CDH7: variants seen among roughly 807,000 people sequenced by gnomAD.
The protein encoded by CDH7 is cadherin 7, also known as cadherin-7.
A neutral mutation model predicts 71.8 loss-of-function variants in CDH7; 25 were observed. The ratio of observed to expected loss-of-function variants is 0.35; its 90% CI spans 0.25 to 0.49. The LOEUF (loss-of-function observed/expected upper bound fraction) is 0.49. Ranked by LOEUF, CDH7 falls within the 20% of genes least tolerant of loss-of-function variation. The pLI is 0.99. For missense variants in CDH7, 862 were observed against 974.6 expected (o/e 0.88, Z 1.54); for synonymous variants, 381 against 363.8 (o/e 1.05, Z -0.54).
Position 65,860,554 on chromosome 18 carries a change from C to T in CDH7, c.1612+729C>T, listed in dbSNP as rs188655624. ...ATTGTCTAATTTTGAATCATATGTT[C>T]GAATGAGTTTTTATTCAAGATATTT... On this transcript the variant is annotated intron_variant, in intron 10 of 11. Coordinates refer to ENST00000397968, the MANE Select transcript of CDH7 (RefSeq NM_004361.5). 6.0e-4 allele frequency among the ~76,000 whole-genome samples: 91 copies of T among 152,114 alleles called. 4 individuals carry two copies. The highest frequency in any genetic ancestry group is 9.2e-4 in the Admixed American group (14 of 15,268).
chr18:65,771,680 G>GAAA (rs374519867), intron 2 of CDH7, among the ~76,000 whole-genome samples: 10 of 136,472 alleles, frequency 7.3e-5, no homozygotes, highest in African/African-American at 2.7e-4. Context: ...TGCCTCAAAA[G>GAAA]AAAAAAAAAA....
intron 2 of CDH7, among the ~76,000 whole-genome samples, chr18:65,798,789 GT>G (rs1911008319): frequency 6.6e-6 from 1 of 152,144 alleles, no homozygotes; most frequent in African/African-American, 2.4e-5. Context: ...TTTGGTCAAG[GT>G]GGCTCTCTTC....
intron 7 of CDH7, among the ~76,000 whole-genome samples, chr18:65,853,549 A>G (rs1913222785): frequency 6.6e-6 from 1 of 151,550 alleles, no homozygotes; most frequent in Admixed American, 6.6e-5. Context: ...GTTTTTTTGC[A>G]TGTCCAGAGG....
intron 2 of CDH7, among the ~76,000 whole-genome samples, chr18:65,768,114 TA>T (rs1916431531): frequency 6.6e-6 from 1 of 152,246 alleles, no homozygotes; most frequent in Non-Finnish European, 1.5e-5. Flanking sequence ...CAAAATCATT[TA>T]AAAATTCTGC....
At chr18:65,851,773 A>G (rs987862681) in intron 7 of CDH7, among the ~76,000 whole-genome samples, 1 of 152,242 alleles carries the variant, frequency 6.6e-6, no homozygotes, top group African/African-American at 2.4e-5. Flanking sequence ...ATGAAGAAAC[A>G]GAAAAGCACA....
rs142359034 is a variant in CDH7, at chr18:65,874,516, A to G, written c.1865-5885A>G. Among the ~76,000 whole-genome samples the G allele has an allele frequency of 4.6e-3, 700 of 152,232 alleles. 3 individuals carry two copies. The highest frequency in any genetic ancestry group is 8.5e-3 in the Non-Finnish European group (577 of 68,000). ...TGGAATAATAGACGTTGGAAACTAC[A>G]AAAGGTGGGAGAGTTGACGGGGAGT... On this transcript the variant is annotated intron_variant, in intron 11 of 11. Transcript: ENST00000397968.
chr18:65,805,007 A>G (rs1300953417), intron 2 of CDH7, among the ~76,000 whole-genome samples: 3 of 152,146 alleles, frequency 2.0e-5, no homozygotes, highest in African/African-American at 4.8e-5. Flanking sequence ...TAAAACTTAA[A>G]TGGACAGAAA....
chr18:65,776,740 T>A (rs907737790), intron 2 of CDH7, among the ~76,000 whole-genome samples: 11 of 152,144 alleles, frequency 7.2e-5, no homozygotes, highest in Non-Finnish European at 1.6e-4. Flanking sequence ...AATCCTATAC[T>A]TCATAAAGTT....
intron 2 of CDH7, among the ~76,000 whole-genome samples, chr18:65,800,925 C>T (rs2143882591): frequency 6.6e-6 from 1 of 152,242 alleles, no homozygotes; most frequent in Admixed American, 6.5e-5. Context: ...CTCTTAGGAG[C>T]ATCCTTTTTG....
intron 6 of CDH7, among the ~76,000 whole-genome samples, chr18:65,828,906 C>A (rs1912230345): frequency 6.6e-6 from 1 of 152,116 alleles, no homozygotes; most frequent in African/African-American, 2.4e-5. Flanking sequence ...CTAACTCTTT[C>A]TATGAACTTC....
At chr18:65,873,220 C>A (rs1913978129) in intron 11 of CDH7, among the ~76,000 whole-genome samples, 1 of 151,462 alleles carries the variant, frequency 6.6e-6, no homozygotes, top group Non-Finnish European at 1.5e-5. Context: ...TTCAACTATA[C>A]CTTGTAGGTA....
chr18:65,831,006 T>G lies in CDH7; in HGVS notation c.981+6175T>G, dbSNP rs9949947. Among the ~76,000 whole-genome samples the G allele has an allele frequency of 1.9e-3, 285 of 152,258 alleles. 1 individual carries two copies. The highest frequency in any genetic ancestry group is 6.5e-3 in the African/African-American group (269 of 41,554). On this transcript the variant is annotated intron_variant, in intron 6 of 11. Coordinates refer to ENST00000397968, the MANE Select transcript of CDH7 (RefSeq NM_004361.5). ...GTTTAAAACTCAAAACTATATATTT[T>G]TATTATTCCAGCTAGTCTTAAAAGA...
At position 65,853,775 on chromosome 18, in the gene CDH7, C is replaced by T. The variant is rs867205168; in HGVS notation, c.1236-4041C>T. 3.3e-5 allele frequency among the ~76,000 whole-genome samples: 5 copies of T among 151,096 alleles called. No homozygotes were observed. The South Asian group carries it at 8.4e-4, about 25-fold the overall frequency. On this transcript the variant is annotated intron_variant, in intron 7 of 11. Coordinates refer to ENST00000397968, the MANE Select transcript of CDH7 (RefSeq NM_004361.5). ...TTTCTTCCTCAATATTTATTATTTTCGTTGCAATAAAAAAAGTTTATGTAA... is the reference window on the plus strand; with the variant it reads ...TTTCTTCCTCAATATTTATTATTTTTGTTGCAATAAAAAAAGTTTATGTAA...
At chr18:65,844,929 A>C (rs914027239) in intron 7 of CDH7, among the ~76,000 whole-genome samples, 1 of 151,114 alleles carries the variant, frequency 6.6e-6, no homozygotes, top group African/African-American at 2.4e-5. Context: ...TAAAACAACA[A>C]TGATTGTTTT....
chr18:65,860,042 A>G (rs567125251), intron 10 of CDH7, among the ~76,000 whole-genome samples: 1 of 152,284 alleles, frequency 6.6e-6, no homozygotes, highest in South Asian at 2.1e-4. Context: ...ATAGGAGGGA[A>G]AGTTAGATTT....
At chr18:65,808,523 G>C (rs1366719027) in intron 2 of CDH7, among the ~76,000 whole-genome samples, 1 of 152,098 alleles carries the variant, frequency 6.6e-6, no homozygotes, top group African/African-American at 2.4e-5. Flanking sequence ...GAAACCAAAA[G>C]GTAAATCAGG....
At chr18:65,821,645 G>A (rs573336967) in intron 4 of CDH7, among the ~76,000 whole-genome samples, 2 of 152,252 alleles carry the variant, frequency 1.3e-5, no homozygotes, top group South Asian at 4.1e-4. Flanking sequence ...AAATATTGTT[G>A]CTACAGATAG....
chr18:65,752,950 C>G (rs1025787383), intron 1 of CDH7, among the ~76,000 whole-genome samples: 1 of 152,182 alleles, frequency 6.6e-6, no homozygotes, highest in Non-Finnish European at 1.5e-5. Flanking sequence ...ACTTTACAGA[C>G]TCACAAGTCT....
Position 65,824,756 on chromosome 18 carries a change from GGATGGT to G in CDH7, c.913_918del (p.Asp305_Gly306del). 1 of 1,612,600 alleles carries G rather than the reference GGATGGT, an allele frequency of 6.2e-7. No individual in the cohort carries two copies. Among genetic ancestry groups the G allele is most frequent in the Non-Finnish European group, 8.5e-7 (1 of 1,178,872 alleles). ...ATGCTGAAATGGAGTACAAGATTGT[GGATGGT>G]GATGGTTTGGGCATTTTTAAGATTT... On this transcript the variant is annotated inframe_deletion, in exon 6 of 12. Coordinates refer to ENST00000397968, the MANE Select transcript of CDH7 (RefSeq NM_004361.5).
Sources: allele counts gnomAD v4.1 joint callset (sites outside exome capture counted in the v4.1 genomes callset), GRCh38; gene constraint gnomAD v4.1.1; transcripts MANE v1.5; gene names NCBI Gene and HGNC (gene_info 2026-07-23, HGNC 2026-07-21).